The following ADCK1 variants were observed in gnomAD, a reference collection of about 807,000 sequenced individuals.
The protein encoded by ADCK1 is aarF domain-containing protein kinase 1.
In ADCK1, 41 loss-of-function variants were observed where a neutral mutation model predicts 52.3. The ratio of observed to expected loss-of-function variants is 0.78; its 90% CI spans 0.61 to 1.02. The LOEUF (loss-of-function observed/expected upper bound fraction) is 1.02, where lower values mean the gene tolerates loss of function less well. Among genes scored for constraint, ADCK1 ranks in the 50% least tolerant of loss-of-function variants. The pLI is 0.00. For missense variants in ADCK1, 658 were observed against 679.5 expected, an observed-to-expected ratio of 0.97 and a Z score of 0.35; for synonymous variants, 250 against 274.6, an observed-to-expected ratio of 0.91 and a Z score of 0.89.
rs768692475 is a variant in ADCK1 at position 77,859,100 on chromosome 14, C to T, written c.244C>T (p.Leu82Phe). Residue 82 changes from leucine to phenylalanine, a missense_variant, in exon 4 of 11, where the codon CTC becomes TTC. Physicochemically the swap from Leu to Phe is conservative, Grantham distance 22. Transcript: ENST00000238561. The stretch of plus-strand genomic sequence containing the variant: ...GGTGCACCTTCGCTCTGCCAGGCGT[C>T]TCTGTGAGCTCTGCTGTGCCAACCG... ...SKVHLRSARR[L>F]CELCCANRGT... 6.2e-7 allele frequency: 1 copy of T among 1,608,998 alleles called. No homozygotes were observed. Among genetic ancestry groups the T allele is most frequent in the Non-Finnish European group, 8.5e-7 (1 of 1,177,902 alleles).
chr14:77,933,608 C>T lies in ADCK1; in HGVS notation c.*217C>T. The stretch of plus-strand genomic sequence containing the variant: ...AACTGTGGCATAGCTCTCTCTTCTT[C>T]TCCAAGAAGACTCAGCAGCCTACAT... On this transcript the variant is annotated 3_prime_UTR_variant, in exon 11 of 11. Coordinates refer to ENST00000238561, the MANE Select transcript of ADCK1 (RefSeq NM_020421.4). The T allele has an allele frequency of 1.8e-6, 1 of 549,450 alleles. No homozygotes were observed. Among genetic ancestry groups the T allele is most frequent in the Non-Finnish European group, 3.2e-6 (1 of 313,042 alleles). The allele number at this position is 549,450 out of a possible 1,614,324, so 34.0% of individuals were successfully genotyped here. A position where few individuals can be genotyped will look rare whatever the true frequency, so the allele number is the denominator to read the frequency against.
chr14:77,845,351 G>A (rs1594924936), intron 3 of ADCK1, among the ~76,000 whole-genome samples: 1 of 152,302 alleles, frequency 6.6e-6, no homozygotes, highest in East Asian at 1.9e-4. Flanking sequence ...CATGTATAAA[G>A]GGTTCAGAGT....
intron 5 of ADCK1, among the ~76,000 whole-genome samples, chr14:77,895,475 G>T (rs1291765332): frequency 6.6e-6 from 1 of 152,164 alleles, no homozygotes; most frequent in African/African-American, 2.4e-5. Context: ...TAGGTGGTAG[G>T]CACTGGTGAA....
rs138564666 is a variant in ADCK1 at position 77,889,674 on chromosome 14, G to A, written c.582+2425G>A. Among the ~76,000 whole-genome samples the A allele has an allele frequency of 1.9e-3, 290 of 152,318 alleles. 1 individual carries two copies. Among genetic ancestry groups the A allele is most frequent in the Non-Finnish European group, 3.2e-3 (217 of 68,030 alleles). On this transcript the variant is annotated intron_variant, in intron 5 of 10. Transcript: ENST00000238561. The stretch of plus-strand genomic sequence containing the variant: ...CTGGGAAATGGAAGTTCTTATAAGA[G>A]TAAGGGGATCGGGATGCCTCTCAGA...
chr14:77,858,709 G>A (rs2082477029), intron 3 of ADCK1, among the ~76,000 whole-genome samples: 1 of 152,136 alleles, frequency 6.6e-6, no homozygotes, highest in Admixed American at 6.5e-5. Context: ...AGGGGTGGGT[G>A]GCAAATACTT....
intron 4 of ADCK1, among the ~76,000 whole-genome samples, chr14:77,867,839 C>T (rs549405596): frequency 9.2e-5 from 14 of 152,302 alleles, no homozygotes; most frequent in African/African-American, 2.9e-4. Context: ...CCTTGGTTTC[C>T]TCATGTTTAA....
chr14:77,895,941 A>G (rs2083400570), intron 5 of ADCK1, among the ~76,000 whole-genome samples: 2 of 152,182 alleles, frequency 1.3e-5, no homozygotes, highest in Admixed American at 1.3e-4. Flanking sequence ...TTCTATTCAA[A>G]GAACCCCCTT....
chr14:77,894,278 C>T (rs932897277), intron 5 of ADCK1, among the ~76,000 whole-genome samples: 1 of 152,166 alleles, frequency 6.6e-6, no homozygotes. Context: ...TCACTCTGAA[C>T]TGATTTTCGA....
At chr14:77,809,962 C>T (rs140140071) in intron 1 of ADCK1, among the ~76,000 whole-genome samples, 7 of 144,322 alleles carry the variant, frequency 4.9e-5, no homozygotes, top group Non-Finnish European at 9.0e-5. Context: ...CACTTGAGCC[C>T]AGGAGGCGGA....
rs75975099 is a variant in ADCK1 at position 77,888,618 on chromosome 14, G to A, written c.582+1369G>A. ...TGATGTGAAGTGAGGAGTGTAATGGGAGTAAGGGAGATGGATGGGTTCAAG... is the reference window on the plus strand; with the variant it reads ...TGATGTGAAGTGAGGAGTGTAATGGAAGTAAGGGAGATGGATGGGTTCAAG... On this transcript the variant is annotated intron_variant, in intron 5 of 10. Coordinates refer to ENST00000238561, the MANE Select transcript of ADCK1 (RefSeq NM_020421.4). Among the ~76,000 whole-genome samples the A allele has an allele frequency of 2.6e-4, 39 of 152,240 alleles. 1 individual carries two copies. In the East Asian group the frequency reaches 6.9e-3, roughly 27 times the overall value.
chr14:77,821,058 A>AG (rs2081572072), intron 2 of ADCK1: 1 of 152,104 alleles, frequency 6.6e-6, no homozygotes, highest in Non-Finnish European at 1.5e-5. Flanking sequence ...AATAGTGAGA[A>AG]GGGGAGAAAG....
intron 1 of ADCK1, among the ~76,000 whole-genome samples, chr14:77,818,581 C>T (rs1041730272): frequency 2.0e-5 from 3 of 152,164 alleles, no homozygotes; most frequent in Non-Finnish European, 4.4e-5. Flanking sequence ...CATGCTCAGC[C>T]TCTCTCTGCT....
At chr14:77,853,888 A>G (rs754267248) in intron 3 of ADCK1, among the ~76,000 whole-genome samples, 4 of 152,034 alleles carry the variant, frequency 2.6e-5, no homozygotes, top group Non-Finnish European at 4.4e-5. Flanking sequence ...TCAATTGAGG[A>G]GTCTTCTGGT....
chr14:77,895,874 A>G (rs74361222), intron 5 of ADCK1, among the ~76,000 whole-genome samples: 2,225 of 152,234 alleles, frequency 0.015, 54 homozygotes, highest in African/African-American at 0.051. Context: ...AAGTTTTAAA[A>G]TTGGTGACCT....
At chr14:77,839,287 A>G (rs954095362) in intron 3 of ADCK1, among the ~76,000 whole-genome samples, 5 of 152,148 alleles carry the variant, frequency 3.3e-5, no homozygotes, top group African/African-American at 1.2e-4. Flanking sequence ...GATTACGAGG[A>G]CTAGTGCAAA....
Position 77,882,962 on chromosome 14 carries a change from C to G in ADCK1, c.424-4129C>G, listed in dbSNP as rs928158295. Reference sequence around the variant, plus strand: ...ACACATTTTTTCTTACACCACCCCCCCCCCCGTGCTTTTTTGCTCATTAAA... The same window carrying G: ...ACACATTTTTTCTTACACCACCCCCGCCCCCGTGCTTTTTTGCTCATTAAA... On this transcript the variant is annotated intron_variant, in intron 4 of 10. Transcript: ENST00000238561. 4.4e-5 allele frequency among the ~76,000 whole-genome samples: 6 copies of G among 137,106 alleles called. 1 individual carries two copies. Among genetic ancestry groups the G allele is most frequent in the Admixed American group, 7.3e-5 (1 of 13,648 alleles). 89.9% of individuals were successfully genotyped at this position (137,106 alleles called of 152,430 possible).
At chr14:77,817,190 C>T (rs975629353) in intron 1 of ADCK1, among the ~76,000 whole-genome samples, 9 of 152,104 alleles carry the variant, frequency 5.9e-5, no homozygotes, top group African/African-American at 1.4e-4. Context: ...TGCAGTGAGC[C>T]GAGATCGCGG....
intron 3 of ADCK1, among the ~76,000 whole-genome samples, chr14:77,832,212 A>G (rs1412170045): frequency 6.6e-6 from 1 of 152,142 alleles, no homozygotes; most frequent in Non-Finnish European, 1.5e-5. Flanking sequence ...TCCTGACCTC[A>G]TATGATCCGC....
Position 77,854,849 on chromosome 14 carries a change from C to T in ADCK1, c.220-4227C>T, listed in dbSNP as rs535111316. On this transcript the variant is annotated intron_variant, in intron 3 of 10. Coordinates refer to ENST00000238561, the MANE Select transcript of ADCK1 (RefSeq NM_020421.4). ...GCTGGGATTACAGGCGTCAGCCACCCACTCACAGGAGTGTGCTTTTCATAT... is the reference window on the plus strand; with the variant it reads ...GCTGGGATTACAGGCGTCAGCCACCTACTCACAGGAGTGTGCTTTTCATAT... 3.9e-5 allele frequency among the ~76,000 whole-genome samples: 6 copies of T among 152,232 alleles called. No homozygotes were observed. In the South Asian group the frequency reaches 1.2e-3, roughly 32 times the overall value.
Sources: gnomAD v4.1 joint callset for allele counts (sites outside exome capture counted in the v4.1 genomes callset) on GRCh38, gnomAD v4.1.1 for gene constraint, MANE v1.5 for transcripts, NCBI Gene and HGNC (gene_info 2026-07-23, HGNC 2026-07-21) for gene names.